RGS5: variants seen among roughly 807,000 people sequenced by gnomAD.
RGS5 encodes the protein regulator of G-protein signalling 5.
RGS5 carries 20 observed loss-of-function variants against 18.9 expected under a neutral mutation model. The observed-to-expected ratio is 1.06, with a 90% CI of 0.74 to 1.54. RGS5 has a LOEUF of 1.54. Among genes scored for constraint, RGS5 ranks in the 40% most tolerant of loss-of-function variants. The pLI is 0.00. For synonymous variants in RGS5, 57 were observed against 76.2 expected, an observed-to-expected ratio of 0.75 and a Z score of 1.31; for missense variants, 201 against 211.8, an observed-to-expected ratio of 0.95 and a Z score of 0.32.
chr1:163,175,260 C>CT (rs1419385805), intron 1 of RGS5, among the ~76,000 whole-genome samples: 1 of 152,112 alleles, frequency 6.6e-6, no homozygotes, highest in African/African-American at 2.4e-5. Context: ...GAGAACTAAT[C>CT]TGAGAGGTAG....
intron 2 of RGS5, among the ~76,000 whole-genome samples, chr1:163,291,306 C>T (rs1649281329): frequency 6.6e-6 from 1 of 152,076 alleles, no homozygotes. Context: ...TAGCCAACCC[C>T]ATCATGCCTT....
intron 1 of RGS5, among the ~76,000 whole-genome samples, chr1:163,312,699 A>G (rs544183878): frequency 1.3e-5 from 2 of 152,346 alleles, no homozygotes; most frequent in East Asian, 3.9e-4. Context: ...GGATTAGTAG[A>G]CAGGAATCTG....
intron 1 of RGS5, chr1:163,210,924 G>A (rs991465506): frequency 6.6e-6 from 1 of 152,190 alleles, no homozygotes; most frequent in African/African-American, 2.4e-5. Flanking sequence ...TCATATGTTG[G>A]TGTCTTGGTT....
chr1:163,253,197 G>T (rs1018559755), intron 2 of RGS5, among the ~76,000 whole-genome samples: 1 of 152,106 alleles, frequency 6.6e-6, no homozygotes, highest in Non-Finnish European at 1.5e-5. Flanking sequence ...ACTGCTCCAG[G>T]TTTCCTGTGT....
intron 2 of RGS5, chr1:163,260,570 T>A (rs1435410020): frequency 2.6e-5 from 4 of 151,874 alleles, no homozygotes; most frequent in African/African-American, 4.8e-5. Flanking sequence ...CTCATTACCA[T>A]AATGTAATGG....
At chr1:163,197,652 CT>C (rs1339753274) in intron 1 of RGS5, among the ~76,000 whole-genome samples, 4 of 152,128 alleles carry the variant, frequency 2.6e-5, no homozygotes, top group Non-Finnish European at 5.9e-5. Flanking sequence ...AAATGTTTTT[CT>C]TAGTGATCCC....
At chr1:163,314,808 A>G (rs984861136) in intron 1 of RGS5, among the ~76,000 whole-genome samples, 1 of 152,136 alleles carries the variant, frequency 6.6e-6, no homozygotes, top group Non-Finnish European at 1.5e-5. Context: ...AAGCTCATTC[A>G]TGCCTTCCAT....
chr1:163,263,159 G>C (rs1274073089), intron 2 of RGS5, among the ~76,000 whole-genome samples: 2 of 152,126 alleles, frequency 1.3e-5, no homozygotes, highest in African/African-American at 4.8e-5. Context: ...TCTTACAAAA[G>C]ATCTTCTGTA....
intron 2 of RGS5, among the ~76,000 whole-genome samples, chr1:163,262,765 G>A (rs1206847433): frequency 2.0e-5 from 3 of 150,610 alleles, no homozygotes; most frequent in Non-Finnish European, 4.4e-5. Flanking sequence ...CTAGTTTACA[G>A]TCCCACCAAC....
At chr1:163,176,107 C>A (rs919275161) in intron 1 of RGS5, among the ~76,000 whole-genome samples, 30 of 152,174 alleles carry the variant, frequency 2.0e-4, no homozygotes, top group African/African-American at 6.5e-4. Context: ...ATCTATTATA[C>A]CCTTTCAACT....
upstream of RGS5, among the ~76,000 whole-genome samples, chr1:163,222,430 C>T (rs114626038): frequency 3.4e-3 from 516 of 152,234 alleles, 5 homozygotes; most frequent in African/African-American, 0.011. Context: ...TCCATGACAC[C>T]GGTCCCTAGT....
intron 1 of RGS5, among the ~76,000 whole-genome samples, chr1:163,187,320 A>T (rs575724414): frequency 1.3e-5 from 2 of 152,236 alleles, no homozygotes; most frequent in Non-Finnish European, 2.9e-5. Flanking sequence ...GAGAATGGCT[A>T]TGGCCCCCTA....
intron 2 of RGS5, among the ~76,000 whole-genome samples, chr1:163,272,201 C>T (rs1648739237): frequency 6.6e-6 from 1 of 151,906 alleles, no homozygotes; most frequent in Admixed American, 6.6e-5. Context: ...ATTACATTTT[C>T]TTTCATATAT....
At chr1:163,226,755 C>G (rs1031590811) in intron 2 of RGS5, among the ~76,000 whole-genome samples, 7 of 152,100 alleles carry the variant, frequency 4.6e-5, no homozygotes, top group Admixed American at 3.9e-4. Context: ...ATGTGTGAGT[C>G]TTTGGAGATG....
At chr1:163,249,628 T>C (rs1418220798) in intron 2 of RGS5, among the ~76,000 whole-genome samples, 3 of 152,122 alleles carry the variant, frequency 2.0e-5, no homozygotes, top group Non-Finnish European at 4.4e-5. Context: ...CTGTCTCTAC[T>C]AAAAATACAA....
chr1:163,270,942 T>A (rs1648703117), intron 2 of RGS5, among the ~76,000 whole-genome samples: 1 of 152,160 alleles, frequency 6.6e-6, no homozygotes, highest in Non-Finnish European at 1.5e-5. Flanking sequence ...TAAAGCTTTT[T>A]AAAATAGATA....
intron 2 of RGS5, among the ~76,000 whole-genome samples, chr1:163,298,550 G>A (rs542786153): frequency 6.6e-6 from 1 of 152,184 alleles, no homozygotes; most frequent in Admixed American, 6.5e-5. Flanking sequence ...GGGAATGCAT[G>A]GAGAACAAAG....
chr1:163,204,232 G>A (rs1659883276), upstream of RGS5, among the ~76,000 whole-genome samples: 1 of 152,026 alleles, frequency 6.6e-6, no homozygotes, highest in Non-Finnish European at 1.5e-5. Flanking sequence ...ATATGTAAGT[G>A]TGCACAGGGT....
At chr1:163,210,948 T>C (rs1660089645) in intron 1 of RGS5, 1 of 152,248 alleles carries the variant, frequency 6.6e-6, no homozygotes, top group Non-Finnish European at 1.5e-5. Flanking sequence ...ATCTGGAGAA[T>C]GGAGTGGGGG....
Sources: allele counts gnomAD v4.1 joint callset (sites outside exome capture counted in the v4.1 genomes callset), GRCh38; gene constraint gnomAD v4.1.1; transcripts MANE v1.5; gene names NCBI Gene and HGNC (gene_info 2026-07-23, HGNC 2026-07-21).